The following CACNA1E variants were observed in gnomAD, a reference collection of about 807,000 sequenced individuals.
The protein encoded by CACNA1E is calcium voltage-gated channel subunit alpha1 E.
A neutral mutation model predicts 259.2 loss-of-function variants in CACNA1E; 40 were observed. The ratio of observed to expected loss-of-function variants is 0.15; its 90% CI spans 0.12 to 0.20. CACNA1E has a LOEUF of 0.20. Ranked by LOEUF, CACNA1E falls within the 10% of genes least tolerant of loss-of-function variation. The probability of loss-of-function intolerance (pLI) is 1.00; values close to 1 mark genes in which losing one functional copy is unlikely to be tolerated. For synonymous variants in CACNA1E, 1,104 were observed against 1,138.5 expected (o/e 0.97, Z 0.61); for missense variants, 1,874 against 3,040.1 (o/e 0.62, Z 9.02).
chr1:181,497,711 G>T (rs1167458538), intron 1 of CACNA1E, among the ~76,000 whole-genome samples: 2 of 152,178 alleles, frequency 1.3e-5, no homozygotes, highest in African/African-American at 4.8e-5. Context: ...TGCTGCCTTG[G>T]GTTAGACCAG....
chr1:181,511,285 C>T, intron 2 of CACNA1E, 86 bp from the exon 3 acceptor site: 2 of 1,500,252 alleles, frequency 1.3e-6, no homozygotes, highest in Admixed American at 1.7e-5. Context: ...GCACAGACAT[C>T]CAGGAAGGGC....
chr1:181,562,968 C>T (rs61258893), intron 3 of CACNA1E, among the ~76,000 whole-genome samples: 1,614 of 152,242 alleles, frequency 0.011, 29 homozygotes, highest in African/African-American at 0.037. Context: ...ATTAAAATTG[C>T]TTATCTTTTA....
intron 3 of CACNA1E, among the ~76,000 whole-genome samples, chr1:181,569,421 T>C (rs1026197608): frequency 6.6e-6 from 1 of 152,164 alleles, no homozygotes; most frequent in African/African-American, 2.4e-5. Context: ...CCCTCAGATA[T>C]ATTTCCTTGG....
intron 7 of CACNA1E, among the ~76,000 whole-genome samples, chr1:181,707,978 G>A (rs1652959404): frequency 6.6e-6 from 1 of 152,190 alleles, no homozygotes; most frequent in Non-Finnish European, 1.5e-5. Flanking sequence ...GAGGCCAGAA[G>A]GTTGGGGTGC....
intron 1 of CACNA1E, among the ~76,000 whole-genome samples, chr1:181,388,500 G>A (rs1656020302): frequency 6.6e-6 from 1 of 152,202 alleles, no homozygotes; most frequent in African/African-American, 2.4e-5. Flanking sequence ...TGTATGGCAT[G>A]TTACTGCACT....
At chr1:181,442,981 A>T (rs1222700939) in intron 2 of CACNA1E, among the ~76,000 whole-genome samples, 3 of 152,144 alleles carry the variant, frequency 2.0e-5, no homozygotes, top group Non-Finnish European at 4.4e-5. Context: ...GGAGGGGCAG[A>T]ATTCTAAACC....
chr1:181,624,307 A>T (rs929209843), intron 6 of CACNA1E, among the ~76,000 whole-genome samples: 3 of 152,192 alleles, frequency 2.0e-5, no homozygotes, highest in African/African-American at 7.2e-5. Context: ...TCCAAACTAT[A>T]GCAATAAGAG....
intron 6 of CACNA1E, among the ~76,000 whole-genome samples, chr1:181,648,914 C>G (rs892977734): frequency 6.6e-6 from 1 of 152,178 alleles, no homozygotes; most frequent in African/African-American, 2.4e-5. Context: ...TGGCCACTGG[C>G]TAAGCCATAG....
intron 1 of CACNA1E, among the ~76,000 whole-genome samples, chr1:181,389,742 A>G (rs1173488230): frequency 6.6e-6 from 1 of 152,230 alleles, no homozygotes; most frequent in East Asian, 1.9e-4. Flanking sequence ...TGTCTGGCAC[A>G]GTGTTTCACC....
chr1:181,525,826 A>G (rs1002386047), intron 3 of CACNA1E, among the ~76,000 whole-genome samples: 1 of 152,132 alleles, frequency 6.6e-6, no homozygotes, highest in African/African-American at 2.4e-5. Flanking sequence ...TGAGGATGTT[A>G]ATTATGTTGC....
intron 1 of CACNA1E, among the ~76,000 whole-genome samples, chr1:181,338,492 G>A (rs960394207): frequency 7.8e-6 from 1 of 128,666 alleles, no homozygotes; most frequent in Non-Finnish European, 1.6e-5. Context: ...GTCTATTCAG[G>A]TCATTTACCC....
intron 3 of CACNA1E, among the ~76,000 whole-genome samples, chr1:181,524,049 C>T (rs1306006153): frequency 1.3e-5 from 2 of 152,200 alleles, no homozygotes; most frequent in South Asian, 2.1e-4. Flanking sequence ...CAGGTGACAC[C>T]CCAAGTCTCT....
At chr1:181,633,902 GAT>G (rs1198180236) in intron 6 of CACNA1E, among the ~76,000 whole-genome samples, 2 of 152,188 alleles carry the variant, frequency 1.3e-5, no homozygotes, top group Non-Finnish European at 2.9e-5. Flanking sequence ...GGATTTACCC[GAT>G]GTCACAGAAC....
chr1:181,321,944 C>A (rs1211216851), intron 1 of CACNA1E, among the ~76,000 whole-genome samples: 1 of 152,202 alleles, frequency 6.6e-6, no homozygotes, highest in African/African-American at 2.4e-5. Flanking sequence ...TGGCTTTCTG[C>A]TCTGTGCTCT....
At chr1:181,564,522 G>GT (rs1335583466) in intron 3 of CACNA1E, among the ~76,000 whole-genome samples, 1 of 152,190 alleles carries the variant, frequency 6.6e-6, no homozygotes, top group Non-Finnish European at 1.5e-5. Flanking sequence ...CTCCACTGAA[G>GT]TTTTCAACTC....
intron 2 of CACNA1E, among the ~76,000 whole-genome samples, chr1:181,462,303 A>G (rs1661871614): frequency 6.6e-6 from 1 of 152,344 alleles, no homozygotes; most frequent in South Asian, 2.1e-4. Flanking sequence ...TAGGCTGTGC[A>G]CATATTTATG....
intron 1 of CACNA1E, among the ~76,000 whole-genome samples, chr1:181,388,177 G>A (rs1655988104): frequency 6.6e-6 from 1 of 152,184 alleles, no homozygotes; most frequent in Non-Finnish European, 1.5e-5. Flanking sequence ...CATCATGCTA[G>A]ATGTTCCACT....
At chr1:181,654,033 T>C (rs1658984356) in intron 7 of CACNA1E, among the ~76,000 whole-genome samples, 1 of 151,926 alleles carries the variant, frequency 6.6e-6, no homozygotes, top group Admixed American at 6.6e-5. Flanking sequence ...AATCATGAAT[T>C]ATAAAAAGGT....
At chr1:181,380,330 T>G (rs574412408) in intron 1 of CACNA1E, among the ~76,000 whole-genome samples, 1 of 152,172 alleles carries the variant, frequency 6.6e-6, no homozygotes. Flanking sequence ...CATCTCAAAG[T>G]GGTGACTTCA....
Sources: allele counts gnomAD v4.1 joint callset (sites outside exome capture counted in the v4.1 genomes callset), GRCh38; gene constraint gnomAD v4.1.1; transcripts MANE v1.5; gene names NCBI Gene and HGNC (gene_info 2026-07-23, HGNC 2026-07-21).